Variants in ZNF787 observed in about 807,000 individuals in gnomAD.
ZNF787 encodes the protein zinc finger protein 787.
In ZNF787, 7 loss-of-function variants were observed where a neutral mutation model predicts 16.9. The ratio of observed to expected loss-of-function variants is 0.42; its 90% CI spans 0.24 to 0.78. ZNF787 has a LOEUF of 0.78. Ranked by LOEUF, ZNF787 falls within the 30% of genes least tolerant of loss-of-function variation. The pLI is 0.30. For synonymous variants in ZNF787, 345 were observed against 270.9 expected (o/e 1.27, Z -2.69); for missense variants, 551 against 589.3 (o/e 0.94, Z 0.67).
chr19:56,112,733 G>T (rs1198384802), intron 1 of ZNF787, among the ~76,000 whole-genome samples: 1 of 151,742 alleles, frequency 6.6e-6, no homozygotes, highest in Non-Finnish European at 1.5e-5. Context: ...TCCAACCACT[G>T]GGCTAACACC....
intron 1 of ZNF787, among the ~76,000 whole-genome samples, chr19:56,114,700 A>C (rs573040616): frequency 6.6e-6 from 1 of 152,020 alleles, no homozygotes; most frequent in Non-Finnish European, 1.5e-5. Flanking sequence ...GAGCGTGGTG[A>C]TATCACTTCT....
At chr19:56,099,833 G>A (rs111989266) in intron 2 of ZNF787, among the ~76,000 whole-genome samples, 1 of 152,294 alleles carries the variant, frequency 6.6e-6, no homozygotes, top group African/African-American at 2.4e-5. Context: ...GACCAGCTGG[G>A]AGGCAGACGG....
rs568990545 is a variant in ZNF787 at position 56,087,593 on chromosome 19, A to C, written c.*430T>G. On this transcript the variant is annotated 3_prime_UTR_variant, in exon 3 of 3. Transcript: ENST00000610935. ...GCTGATTAAAAGAAAATTCTAAAAG[A>C]GAAAAGGGCCCCTGGTTCTCTTCCC... 6.4e-6 allele frequency: 1 copy of C among 156,058 alleles called. No individual in the cohort carries two copies. The highest frequency in any genetic ancestry group is 1.4e-5 in the Non-Finnish European group (1 of 70,966). 9.7% of individuals were successfully genotyped at this position (156,058 alleles called of 1,614,324 possible).
Position 56,088,616 on chromosome 19 carries a change from C to T in ZNF787, c.556G>A (p.Gly186Ser), listed in dbSNP as rs372540286. ...GCGAGGCTCTTGGGCTGGCTGAAGCCGCGGCCGCAGCGCGGGCACACGAAG... is the reference window on the plus strand; with the variant it reads ...GCGAGGCTCTTGGGCTGGCTGAAGCTGCGGCCGCAGCGCGGGCACACGAAG... ...KPFVCPRCGR[G>S]FSQPKSLARH... is the part of the protein sequence containing the mutation. The change falls in exon 3 of 3, where the codon GGC becomes AGC. Residue 186 changes from glycine to serine, a missense_variant. Physicochemically the swap from Gly to Ser is moderately conservative, Grantham distance 56 (BLOSUM62 0). Transcript: ENST00000610935. The surrounding 1 kb of genome is among the most constrained non-coding windows in gnomAD (Gnocchi z 8.6). The T allele has an allele frequency of 4.6e-6, 7 of 1,521,684 alleles. No homozygotes were observed. The highest frequency in any genetic ancestry group is 2.5e-5 in the East Asian group (1 of 39,650). 94.3% of individuals were successfully genotyped at this position (1,521,684 alleles called of 1,614,324 possible).
chr19:56,113,625 C>T (rs929837092), intron 1 of ZNF787, among the ~76,000 whole-genome samples: 3 of 152,166 alleles, frequency 2.0e-5, no homozygotes, highest in Admixed American at 6.5e-5. Context: ...TCTATTTATG[C>T]GCCTGCCCAC....
chr19:56,095,426 GA>G (rs150413760), intron 2 of ZNF787, among the ~76,000 whole-genome samples: 2,557 of 152,316 alleles, frequency 0.017, 70 homozygotes, highest in African/African-American at 0.058. Context: ...TGGGAAGGTT[GA>G]ACTCAGTATT....
intron 1 of ZNF787, among the ~76,000 whole-genome samples, chr19:56,120,888 A>C (rs867499595): frequency 0.021 from 1,964 of 91,484 alleles, 58 homozygotes; most frequent in African/African-American, 0.075. Context: ...CGCGCCCTGG[A>C]CCCGGACCCG....
At chr19:56,096,723 TAAATAAATAA>T (rs1455075961) in intron 2 of ZNF787, among the ~76,000 whole-genome samples, 1 of 151,656 alleles carries the variant, frequency 6.6e-6, no homozygotes, top group African/African-American at 2.4e-5. Context: ...AGAAAATAAA[TAAATAAATAA>T]AAATAAAACA....
At chr19:56,113,523 G>C (rs1256564211) in intron 1 of ZNF787, among the ~76,000 whole-genome samples, 1 of 152,090 alleles carries the variant, frequency 6.6e-6, no homozygotes, top group Admixed American at 6.5e-5. Flanking sequence ...AATGGAACAC[G>C]ACCATAACCA....
intron 1 of ZNF787, among the ~76,000 whole-genome samples, chr19:56,111,384 G>T (rs1444155049): frequency 6.6e-6 from 1 of 152,152 alleles, no homozygotes; most frequent in East Asian, 1.9e-4. Context: ...CCCATATTTT[G>T]TAAGTGGGGT....
intron 1 of ZNF787, among the ~76,000 whole-genome samples, chr19:56,107,873 C>T (rs1568532488): frequency 6.9e-6 from 1 of 145,750 alleles, no homozygotes; most frequent in African/African-American, 2.7e-5. Context: ...CTGGGGGCTG[C>T]GGAAGAGAGA....
In ZNF787 at chr19:56,088,201, TC is replaced by T; in HGVS notation, c.970del (p.Glu324ArgfsTer190). On this transcript the variant is annotated frameshift_variant, in exon 3 of 3. Coordinates refer to ENST00000610935, the MANE Select transcript of ZNF787 (RefSeq NM_001002836.4). LOFTEE classifies it high-confidence loss of function. The surrounding 1 kb of genome is among the most constrained non-coding windows in gnomAD (Gnocchi z 8.6). The part of the protein sequence containing the change: ...EPAHICVECG[E>X]GFVQGAALRR... ...GAGCGCGGCGCCCTGCACGAAGCCC[TC>T]CCCGCACTCCACGCAGATGTGGGCC... 1 of 1,531,832 alleles carries T rather than the reference TC, an allele frequency of 6.5e-7. No homozygotes were observed. The highest frequency in any genetic ancestry group is 8.7e-7 in the Non-Finnish European group (1 of 1,145,756). 94.9% of individuals were successfully genotyped at this position (1,531,832 alleles called of 1,614,324 possible).
In ZNF787 at chr19:56,102,733, G is replaced by C. The variant is rs543233685; in HGVS notation, c.79+406C>G. 12 of 595,480 alleles carry C rather than the reference G, an allele frequency of 2.0e-5. No homozygotes were observed. In the South Asian group the frequency reaches 2.4e-4, roughly 12 times the overall value. The allele number at this position is 595,480 out of a possible 1,614,324, so 36.9% of individuals were successfully genotyped here. A position where few individuals can be genotyped will look rare whatever the true frequency, so the allele number is the denominator to read the frequency against. ...TTCCCTGCGCTCCTGGGCCACCCCT[G>C]GTGTAAGGAGTTTCCTGCCAGGGAG... On this transcript the variant is annotated intron_variant, in intron 2 of 2. Transcript: ENST00000610935.
intron 2 of ZNF787, among the ~76,000 whole-genome samples, chr19:56,091,861 T>C (rs1225678236): frequency 6.6e-6 from 1 of 152,148 alleles, no homozygotes; most frequent in Non-Finnish European, 1.5e-5. Flanking sequence ...AGGCTGCGTC[T>C]GCACCGCGCA....
chr19:56,104,429 C>T (rs1262321253), intron 1 of ZNF787, among the ~76,000 whole-genome samples: 2 of 68,738 alleles, frequency 2.9e-5, no homozygotes, highest in Admixed American at 1.6e-4. Context: ...TGCCACGCAC[C>T]GGGAGGGTCC....
At chr19:56,117,013 G>A (rs1013453254) in intron 1 of ZNF787, among the ~76,000 whole-genome samples, 1 of 152,216 alleles carries the variant, frequency 6.6e-6, no homozygotes, top group African/African-American at 2.4e-5. Flanking sequence ...GGCCAGCACA[G>A]GGACAAGAGG....
intron 2 of ZNF787, chr19:56,101,567 C>T (rs569850742): frequency 5.9e-5 from 9 of 152,222 alleles, no homozygotes; most frequent in Admixed American, 2.0e-4. Flanking sequence ...TAAAAAGGAC[C>T]GGGTGCTAGA....
intron 2 of ZNF787, among the ~76,000 whole-genome samples, chr19:56,101,142 G>A (rs1568528423): frequency 6.9e-6 from 1 of 145,504 alleles, no homozygotes; most frequent in Non-Finnish European, 1.5e-5. Context: ...GACGCATGTA[G>A]GCGGGACTCC....
At chr19:56,111,805 C>A (rs897045175) in intron 1 of ZNF787, among the ~76,000 whole-genome samples, 4 of 152,138 alleles carry the variant, frequency 2.6e-5, no homozygotes, top group African/African-American at 4.8e-5. Context: ...CAACGGGCAG[C>A]CGCGGTACCA....
Sources: allele counts gnomAD v4.1 joint callset (sites outside exome capture counted in the v4.1 genomes callset), GRCh38; gene constraint gnomAD v4.1.1; non-coding constraint Gnocchi (gnomAD v3.1); transcripts MANE v1.5; gene names NCBI Gene and HGNC (gene_info 2026-07-23, HGNC 2026-07-21).